ZNG1E: variants seen among roughly 807,000 people sequenced by gnomAD.
ZNG1E encodes the protein Zn regulated GTPase metalloprotein activator 1E.
the ZNG1E span, among the ~76,000 whole-genome samples, chr9:65,683,951 A>C: frequency 6.6e-5 from 10 of 152,398 alleles, no homozygotes; most frequent in East Asian, 1.9e-3. Context: ...AGCAAATATC[A>C]GTTTATTTCA....
At chr9:65,658,867 G>A in the ZNG1E span, among the ~76,000 whole-genome samples, 19 of 148,956 alleles carry the variant, frequency 1.3e-4, no homozygotes, top group South Asian at 2.1e-4. Context: ...CTGTGTCCTC[G>A]TCTCCTCTTC....
At chr9:65,658,494 G>T in the ZNG1E span, among the ~76,000 whole-genome samples, 1 of 149,994 alleles carries the variant, frequency 6.7e-6, no homozygotes, top group African/African-American at 2.5e-5. Flanking sequence ...GAGCAACAGA[G>T]ATAAGAGAAG....
chr9:65,718,977 C>T, the ZNG1E span, among the ~76,000 whole-genome samples: 9 of 72,978 alleles, frequency 1.2e-4, no homozygotes, highest in African/African-American at 4.0e-4. Flanking sequence ...TTTTTTGCTG[C>T]ATATGAAGTT....
At chr9:65,685,043 T>TTAAAAA in the ZNG1E span, among the ~76,000 whole-genome samples, 1 of 107,700 alleles carries the variant, frequency 9.3e-6, no homozygotes, top group African/African-American at 3.6e-5. Flanking sequence ...CCCCATTTCT[T>TTAAAAA]AAAAAAAAAA....
At chr9:65,658,999 C>A in the ZNG1E span, among the ~76,000 whole-genome samples, 3 of 151,996 alleles carry the variant, frequency 2.0e-5, no homozygotes, top group Non-Finnish European at 4.4e-5. Flanking sequence ...GGGGTTAGGG[C>A]TTCACTGAGT....
At chr9:65,655,082 A>G in the ZNG1E span, among the ~76,000 whole-genome samples, 1 of 151,334 alleles carries the variant, frequency 6.6e-6, no homozygotes, top group African/African-American at 2.4e-5. Context: ...AATGATATAT[A>G]AGGTGGATAA....
the ZNG1E span, among the ~76,000 whole-genome samples, chr9:65,666,200 A>G: frequency 6.6e-6 from 1 of 150,580 alleles, no homozygotes; most frequent in African/African-American, 2.4e-5. Context: ...TCCCCACCCA[A>G]ATCTTATCTT....
the ZNG1E span, among the ~76,000 whole-genome samples, chr9:65,660,388 TA>T: frequency 6.8e-6 from 1 of 146,560 alleles, no homozygotes; most frequent in Non-Finnish European, 1.5e-5. Context: ...TCAGGGAAAA[TA>T]AAAAGTTGAG....
chr9:65,660,508 G>C, the ZNG1E span, among the ~76,000 whole-genome samples: 1 of 152,268 alleles, frequency 6.6e-6, no homozygotes, highest in South Asian at 2.1e-4. Flanking sequence ...AACGTTGGAA[G>C]TGTGGGGAGA....
chr9:65,717,598 A>C, the ZNG1E span, among the ~76,000 whole-genome samples: 2 of 149,540 alleles, frequency 1.3e-5, no homozygotes, highest in Non-Finnish European at 2.9e-5. Context: ...TGCTGTGGGC[A>C]GTTTTGATAG....
the ZNG1E span, among the ~76,000 whole-genome samples, chr9:65,691,644 G>A: frequency 2.3e-3 from 348 of 152,096 alleles, no homozygotes; most frequent in African/African-American, 8.0e-3. Context: ...TGTCCTTAAT[G>A]TAATGTTAGA....
At chr9:65,662,080 C>T in the ZNG1E span, among the ~76,000 whole-genome samples, 1 of 152,332 alleles carries the variant, frequency 6.6e-6, no homozygotes, top group African/African-American at 2.4e-5. Flanking sequence ...AGTTAACATT[C>T]TAGTAAAAGC....
At chr9:65,677,599 G>C in the ZNG1E span, among the ~76,000 whole-genome samples, 5 of 152,260 alleles carry the variant, frequency 3.3e-5, no homozygotes, top group Admixed American at 3.3e-4. Context: ...CTAATCTGGA[G>C]TCTTGCTGCC....
chr9:65,686,810 A>C, the ZNG1E span, among the ~76,000 whole-genome samples: 1 of 152,200 alleles, frequency 6.6e-6, no homozygotes, highest in Non-Finnish European at 1.5e-5. Context: ...CTTGTGAACC[A>C]ACCTCTGCTA....
At chr9:65,687,927 T>C in the ZNG1E span, among the ~76,000 whole-genome samples, 1 of 151,250 alleles carries the variant, frequency 6.6e-6, no homozygotes. Flanking sequence ...TTAGTTCTTC[T>C]AAGAACATTT....
chr9:65,684,651 G>GCAGCCT, the ZNG1E span, among the ~76,000 whole-genome samples: 1 of 151,574 alleles, frequency 6.6e-6, no homozygotes, highest in African/African-American at 2.4e-5. Context: ...ATGTTGAATG[G>GCAGCCT]CAGCCTCAGC....
At chr9:65,707,124 C>G in the ZNG1E span, 2 of 97,494 alleles carry the variant, frequency 2.1e-5, no homozygotes, top group Non-Finnish European at 4.1e-5. Flanking sequence ...GATTCTCCTG[C>G]TTCACCCTCC....
chr9:65,687,736 G>C, the ZNG1E span, among the ~76,000 whole-genome samples: 3 of 148,794 alleles, frequency 2.0e-5, no homozygotes, highest in Non-Finnish European at 4.5e-5. Context: ...TTATTATTTT[G>C]GGACATCTAG....
the ZNG1E span, among the ~76,000 whole-genome samples, chr9:65,676,886 G>C: frequency 6.8e-6 from 1 of 146,828 alleles, no homozygotes; most frequent in Non-Finnish European, 1.5e-5. Flanking sequence ...ACAAATATAT[G>C]ACTGTATTAG....
Sources: gnomAD v4.1 joint callset for allele counts (sites outside exome capture counted in the v4.1 genomes callset) on GRCh38, gnomAD v4.1.1 for gene constraint, MANE v1.5 for transcripts, NCBI Gene and HGNC (gene_info 2026-07-23, HGNC 2026-07-21) for gene names.